Variants in MMRN1 observed in about 807,000 individuals in gnomAD.
The protein encoded by MMRN1 is multimerin-1.
MMRN1 carries 94 observed loss-of-function variants against 100.7 expected under a neutral mutation model. That is an observed-to-expected ratio of 0.93 (90% CI 0.79 to 1.11). MMRN1 has a LOEUF of 1.11. Among genes scored for constraint, MMRN1 ranks in the 50% least tolerant of loss-of-function variants. The probability of loss-of-function intolerance (pLI) is 0.00; values close to 1 mark genes in which losing one functional copy is unlikely to be tolerated. For synonymous variants in MMRN1, 575 were observed against 505.0 expected, an observed-to-expected ratio of 1.14 and a Z score of -1.86; for missense variants, 1,606 against 1,439.1, an observed-to-expected ratio of 1.12 and a Z score of -1.88.
At position 89,926,606 on chromosome 4, in the gene MMRN1, T is replaced by C. The variant is rs539099476; in HGVS notation, c.956-1189T>C. ...TGTCTTGACTTTGTTGGTTGTTTCT[T>C]TTGCTGTGCAGAAGCTTTTTAACTT... is the stretch of plus-strand genomic sequence containing the variant. On this transcript the variant is annotated intron_variant, in intron 4 of 7. Coordinates refer to ENST00000264790, the MANE Select transcript of MMRN1 (RefSeq NM_007351.3). Among the ~76,000 whole-genome samples, 288 of 152,290 alleles carry C rather than the reference T, an allele frequency of 1.9e-3. 1 individual carries two copies. The highest frequency in any genetic ancestry group is 6.6e-3 in the African/African-American group (276 of 41,556).
chr4:89,893,838 A>G (rs1721109450), upstream of MMRN1, among the ~76,000 whole-genome samples: 1 of 152,154 alleles, frequency 6.6e-6, no homozygotes, highest in South Asian at 2.1e-4. Context: ...CTTAGTTTGT[A>G]TATCTATTTA....
chr4:89,907,238 T>C (rs941345264), intron 1 of MMRN1, among the ~76,000 whole-genome samples: 9 of 151,500 alleles, frequency 5.9e-5, no homozygotes, highest in Admixed American at 2.0e-4. Context: ...TTGCCTCAAT[T>C]GTCACCAGTG....
At chr4:89,938,954 T>G (rs1273033041) in intron 6 of MMRN1, among the ~76,000 whole-genome samples, 2 of 152,036 alleles carry the variant, frequency 1.3e-5, no homozygotes, top group Non-Finnish European at 2.9e-5. Flanking sequence ...ACATAATGTA[T>G]GGGACCCTTT....
In MMRN1 at chr4:89,895,012, G is replaced by C; in HGVS notation, c.41G>C (p.Trp14Ser). Residue 14 changes from tryptophan (W) to serine (S), a missense_variant, in exon 1 of 8, where the codon TGG (tryptophan) becomes TCG (serine). By Grantham distance (177) the Trp-to-Ser change is radical. Coordinates refer to ENST00000264790, the MANE Select transcript of MMRN1 (RefSeq NM_007351.3). ...TTATTTGTCCTTCTTTCTAGTTTAT[G>C]GAGTGGGGGCATTGGGCTTAACAAC... is the stretch of plus-strand genomic sequence containing the variant. ...ARLFVLLSSL[W>S]SGGIGLNNSK... 1.9e-6 allele frequency: 3 copies of C among 1,613,570 alleles called. No individual in the cohort carries two copies. The highest frequency in any genetic ancestry group is 2.5e-6 in the Non-Finnish European group (3 of 1,179,694).
chr4:89,909,318 G>A lies in MMRN1; in HGVS notation c.666G>A (p.Val222=). 6.2e-7 allele frequency: 1 copy of A among 1,609,944 alleles called. No homozygotes were observed. The highest frequency in any genetic ancestry group is 8.5e-7 in the Non-Finnish European group (1 of 1,177,322). Residue 222 remains valine, a synonymous_variant, in exon 2 of 8, where the codon GTG becomes GTA. Transcript: ENST00000264790. ...AYVHTRLSPT[V]ILDNQVTYVP... ...TACATACCAGGTTATCTCCCACAGT[G>A]ATATTGGACAACCAGGTCACTTATG...
In MMRN1 at chr4:89,934,920, T is replaced by C. The variant is rs189386556; in HGVS notation, c.1240T>C (p.Ser414Pro). Residue 414 changes from serine to proline, a missense_variant, in exon 6 of 8, where the codon TCA becomes CCA. Ser to Pro is a moderately conservative substitution (Grantham distance 74). Transcript: ENST00000264790. ...ETVAQLFKTV[S>P]SLSEDLESTR... ...TGTAGCACAGCTCTTCAAGACTGTA[T>C]CAAGTCTATCAGAGGACCTCGAAAG... 5 of 1,613,602 alleles carry C rather than the reference T, an allele frequency of 3.1e-6. No homozygotes were observed. The East Asian group carries it at 8.9e-5, about 29-fold the overall frequency.
At chr4:89,883,028 C>T (rs1219584161) in intron 1 of MMRN1, among the ~76,000 whole-genome samples, 2 of 151,978 alleles carry the variant, frequency 1.3e-5, no homozygotes, top group Non-Finnish European at 2.9e-5. Flanking sequence ...CATTATTCTT[C>T]ATCTCAAATC....
intron 1 of MMRN1, among the ~76,000 whole-genome samples, chr4:89,900,022 G>A (rs1193487176): frequency 6.6e-6 from 1 of 152,026 alleles, no homozygotes; most frequent in Non-Finnish European, 1.5e-5. Flanking sequence ...AGAAGGAAAA[G>A]TATGACATCA....
chr4:89,906,990 T>A (rs1299675958), intron 1 of MMRN1, among the ~76,000 whole-genome samples: 1 of 151,472 alleles, frequency 6.6e-6, no homozygotes, highest in African/African-American at 2.4e-5. Flanking sequence ...GTAGTGACGG[T>A]GATACTTGTG....
At chr4:89,940,884 A>G (rs982020949) in intron 6 of MMRN1, among the ~76,000 whole-genome samples, 11 of 152,096 alleles carry the variant, frequency 7.2e-5, no homozygotes, top group Middle Eastern at 3.2e-3. Context: ...TCTCATTGTT[A>G]CTTATTATTA....
chr4:89,935,345 G>A lies in MMRN1; in HGVS notation c.1665G>A (p.Lys555=). The part of the protein sequence containing the change: ...YMSTLHENIK[K]QSLMMLQMFE... ...CTACTTTACATGAAAATATAAAGAA[G>A]CAGAGTTTGATGATGCTGCAAATGT... is the stretch of plus-strand genomic sequence containing the variant. The change falls in exon 6 of 8, where the codon AAG becomes AAA. Residue 555 remains lysine (K), a synonymous_variant. Transcript: ENST00000264790. 1 of 1,613,310 alleles carries A rather than the reference G, an allele frequency of 6.2e-7. No homozygotes were observed. Among genetic ancestry groups the A allele is most frequent in the Non-Finnish European group, 8.5e-7 (1 of 1,179,710 alleles).
intron 3 of MMRN1, among the ~76,000 whole-genome samples, chr4:89,913,812 A>G (rs1196134017): frequency 6.6e-6 from 1 of 151,316 alleles, no homozygotes; most frequent in Admixed American, 6.6e-5. Context: ...CTCATAATTC[A>G]GGTATCTGCT....
chr4:89,920,904 C>T (rs1483052297), intron 3 of MMRN1, among the ~76,000 whole-genome samples: 2 of 151,604 alleles, frequency 1.3e-5, no homozygotes, highest in Non-Finnish European at 2.9e-5. Context: ...GTGGAAAGAA[C>T]ATGGACACTT....
chr4:89,920,853 C>T (rs2110611291), intron 3 of MMRN1, among the ~76,000 whole-genome samples: 1 of 151,408 alleles, frequency 6.6e-6, no homozygotes, highest in African/African-American at 2.4e-5. Flanking sequence ...CTGCCCCATT[C>T]CTCAAAATAG....
At chr4:89,890,874 G>GT (rs899433604), upstream of MMRN1, among the ~76,000 whole-genome samples, 27 of 150,190 alleles carry the variant, frequency 1.8e-4, no homozygotes, top group Admixed American at 9.3e-4. Flanking sequence ...CAAATATGTT[G>GT]TTTTTTTTTC....
In MMRN1 at chr4:89,936,021, C is replaced by A; in HGVS notation, c.2341C>A (p.Arg781Ser). 3 of 1,612,930 alleles carry A rather than the reference C, an allele frequency of 1.9e-6. No homozygotes were observed. Among genetic ancestry groups the A allele is most frequent in the Non-Finnish European group, 2.5e-6 (3 of 1,179,510 alleles). The change falls in exon 6 of 8, where the codon CGT becomes AGT. Residue 781 changes from arginine (R) to serine (S), a missense_variant. Coordinates refer to ENST00000264790, the MANE Select transcript of MMRN1 (RefSeq NM_007351.3). The part of the protein sequence containing the change: ...TILTFIPQFH[R>S]LNDSIQTLVN... ...TTTGACATTTATTCCTCAGTTCCAC[C>A]GTCTGAATGATTCTATTCAGACTTT...
chr4:89,917,955 T>C (rs1721974184), intron 3 of MMRN1, among the ~76,000 whole-genome samples: 1 of 151,900 alleles, frequency 6.6e-6, no homozygotes, highest in East Asian at 1.9e-4. Context: ...CTAAATATCC[T>C]ATTTAATTAG....
chr4:89,912,127 C>T lies in MMRN1; in HGVS notation c.850+77C>T, dbSNP rs1053896523. Reference sequence around the variant, plus strand: ...ATTGAAGAAAAGAATAGCATTTCCCCTTTTGAACCAAGGTAAATTAACATG... The same window carrying T: ...ATTGAAGAAAAGAATAGCATTTCCCTTTTTGAACCAAGGTAAATTAACATG... On this transcript the variant is annotated intron_variant, in intron 3 of 7. Coordinates refer to ENST00000264790, the MANE Select transcript of MMRN1 (RefSeq NM_007351.3). The T allele has an allele frequency of 1.5e-4, 157 of 1,035,492 alleles. 1 individual carries two copies. In the East Asian group the frequency reaches 4.1e-3, roughly 27 times the overall value. 64.1% of individuals were successfully genotyped at this position (1,035,492 alleles called of 1,614,324 possible).
At chr4:89,914,986 C>T (rs1043076755) in intron 3 of MMRN1, among the ~76,000 whole-genome samples, 2 of 151,538 alleles carry the variant, frequency 1.3e-5, no homozygotes, top group African/African-American at 2.4e-5. Flanking sequence ...TTATAACATT[C>T]TGTTTTGTAC....
Sources: gnomAD v4.1 joint callset for allele counts (sites outside exome capture counted in the v4.1 genomes callset) on GRCh38, gnomAD v4.1.1 for gene constraint, MANE v1.5 for transcripts, NCBI Gene and HGNC (gene_info 2026-07-23, HGNC 2026-07-21) for gene names.